ASTN2: variants seen among roughly 807,000 people sequenced by gnomAD.
ASTN2 encodes the protein astrotactin 2.
ASTN2 carries 54 observed loss-of-function variants against 139.8 expected under a neutral mutation model. That is an observed-to-expected ratio of 0.39 (90% CI 0.31 to 0.48). The LOEUF (loss-of-function observed/expected upper bound fraction) is 0.48. ASTN2 is among the 20% of genes least tolerant of loss of function. The probability of loss-of-function intolerance (pLI) is 0.95; values close to 1 mark genes in which losing one functional copy is unlikely to be tolerated. For missense variants in ASTN2, 1,565 were observed against 1,725.1 expected, an observed-to-expected ratio of 0.91 and a Z score of 1.64; for synonymous variants, 756 against 719.5, an observed-to-expected ratio of 1.05 and a Z score of -0.81.
At chr9:117,291,597 A>C in intron 1 of ASTN2, 84 bp from the exon 2 acceptor site, 3 of 1,307,954 alleles carry the variant, frequency 2.3e-6, no homozygotes, top group Non-Finnish European at 3.1e-6. Flanking sequence ...CATAATCAGG[A>C]GCTCAGAAGG....
At chr9:117,394,183 G>A (rs1830614777) in intron 1 of ASTN2, among the ~76,000 whole-genome samples, 1 of 152,118 alleles carries the variant, frequency 6.6e-6, no homozygotes, top group South Asian at 2.1e-4. Context: ...TTCTGTACCA[G>A]GCAACAGGAG....
intron 2 of ASTN2, among the ~76,000 whole-genome samples, chr9:117,274,374 C>T (rs999177698): frequency 5.3e-5 from 8 of 152,088 alleles, no homozygotes; most frequent in Admixed American, 5.2e-4. Context: ...TGGGTTGGAA[C>T]AGGCCAGAAA....
At chr9:116,857,813 G>A (rs1468491058) in intron 11 of ASTN2, among the ~76,000 whole-genome samples, 1 of 152,178 alleles carries the variant, frequency 6.6e-6, no homozygotes, top group Non-Finnish European at 1.5e-5. Flanking sequence ...GTGAAATCTA[G>A]CTCTTTCCCC....
At chr9:117,161,352 G>A (rs1830547262) in intron 3 of ASTN2, among the ~76,000 whole-genome samples, 1 of 151,992 alleles carries the variant, frequency 6.6e-6, no homozygotes, top group Non-Finnish European at 1.5e-5. Context: ...CGCTTCCATT[G>A]AGGAGAACTG....
At chr9:117,197,992 A>ATT (rs11413861) in intron 3 of ASTN2, among the ~76,000 whole-genome samples, 4 of 151,508 alleles carry the variant, frequency 2.6e-5, no homozygotes, top group South Asian at 2.1e-4. Flanking sequence ...TGTTTTTAAG[A>ATT]TTTTTTTTCT....
intron 17 of ASTN2, among the ~76,000 whole-genome samples, chr9:116,644,043 T>C (rs1430739625): frequency 1.3e-5 from 2 of 152,018 alleles, no homozygotes; most frequent in African/African-American, 4.8e-5. Context: ...ATCACAGTGA[T>C]GGGGCTATAG....
At chr9:117,294,321 T>C (rs749547747) in intron 1 of ASTN2, among the ~76,000 whole-genome samples, 1 of 152,240 alleles carries the variant, frequency 6.6e-6, no homozygotes, top group African/African-American at 2.4e-5. Context: ...CGTTAAATGA[T>C]AATAACAGTG....
At chr9:117,007,196 T>A (rs1387398639) in intron 7 of ASTN2, among the ~76,000 whole-genome samples, 1 of 152,136 alleles carries the variant, frequency 6.6e-6, no homozygotes, top group East Asian at 1.9e-4. Flanking sequence ...CCCTGACCAC[T>A]TTCTGTATAA....
intron 19 of ASTN2, among the ~76,000 whole-genome samples, chr9:116,558,460 G>T (rs1182462677): frequency 2.0e-5 from 3 of 152,020 alleles, no homozygotes; most frequent in African/African-American, 7.3e-5. Flanking sequence ...TACATAACAG[G>T]GTTCCCTTTT....
chr9:116,933,269 A>C (rs1277018441), intron 10 of ASTN2, among the ~76,000 whole-genome samples: 1 of 152,122 alleles, frequency 6.6e-6, no homozygotes, highest in African/African-American at 2.4e-5. Flanking sequence ...GATTCTTCTT[A>C]TTACCTACTC....
intron 6 of ASTN2, among the ~76,000 whole-genome samples, chr9:117,025,022 GCCTCCC>G (rs1838018282): frequency 6.6e-6 from 1 of 151,990 alleles, no homozygotes; most frequent in Non-Finnish European, 1.5e-5. Flanking sequence ...TGATTGTGAG[GCCTCCC>G]CAGCCATGTG....
chr9:116,851,471 C>CATCTATCTATCTATCTATCT (rs58927400), intron 11 of ASTN2, among the ~76,000 whole-genome samples: 12 of 148,880 alleles, frequency 8.1e-5, no homozygotes, highest in Non-Finnish European at 1.3e-4. Flanking sequence ...AATTGCTAAA[C>CATCTATCTATCTATCTATCT]ATCTATCTAT....
intron 10 of ASTN2, among the ~76,000 whole-genome samples, chr9:116,893,832 C>G (rs1833821194): frequency 6.6e-6 from 1 of 152,176 alleles, no homozygotes; most frequent in Admixed American, 6.5e-5. Context: ...AGCCCACTGC[C>G]AGGTTAACTC....
At chr9:116,805,611 G>A (rs757015494) in intron 13 of ASTN2, 21 bp downstream of exon 13, 77 of 1,608,856 alleles carry the variant, frequency 4.8e-5, no homozygotes, top group Non-Finnish European at 5.7e-5. Context: ...GACAAGCAAT[G>A]TGCAAGTATC....
chr9:116,513,191 GC>G (rs1408260101), intron 19 of ASTN2, among the ~76,000 whole-genome samples: 4 of 152,174 alleles, frequency 2.6e-5, no homozygotes, highest in Non-Finnish European at 4.4e-5. Context: ...TGTAGGGCAG[GC>G]CTGGTGGTGA....
At chr9:116,539,688 C>T (rs550540427) in intron 19 of ASTN2, among the ~76,000 whole-genome samples, 14 of 152,282 alleles carry the variant, frequency 9.2e-5, no homozygotes, top group South Asian at 4.1e-4. Flanking sequence ...GAGTGACTAA[C>T]GGGTGTATAC....
At chr9:116,836,543 T>C (rs1193122669) in intron 11 of ASTN2, among the ~76,000 whole-genome samples, 3 of 152,088 alleles carry the variant, frequency 2.0e-5, no homozygotes, top group Non-Finnish European at 4.4e-5. Context: ...AGGTTGTCCT[T>C]TTCCCGGTAT....
chr9:117,015,297 G>A (rs1837643182), intron 6 of ASTN2, among the ~76,000 whole-genome samples: 1 of 152,142 alleles, frequency 6.6e-6, no homozygotes, highest in South Asian at 2.1e-4. Flanking sequence ...GGGATTACAG[G>A]TGTGAACCCC....
chr9:117,412,612 T>C (rs1000112223), intron 1 of ASTN2, among the ~76,000 whole-genome samples: 5 of 152,210 alleles, frequency 3.3e-5, no homozygotes, highest in Non-Finnish European at 5.9e-5. Flanking sequence ...AAATGCTCTG[T>C]GGTCCTCACT....
Sources: allele counts gnomAD v4.1 joint callset (sites outside exome capture counted in the v4.1 genomes callset), GRCh38; gene constraint gnomAD v4.1.1; transcripts MANE v1.5; gene names NCBI Gene and HGNC (gene_info 2026-07-23, HGNC 2026-07-21).